Variants in NALF1 observed in about 807,000 individuals in gnomAD.
The protein encoded by NALF1 is NALCN channel auxiliary factor 1, also known as family with sequence similarity 155 member A.
In NALF1, 3 loss-of-function variants were observed where a neutral mutation model predicts 48.4. The observed-to-expected ratio is 0.06, with a 90% CI of 0.03 to 0.16. The LOEUF (loss-of-function observed/expected upper bound fraction) is 0.16, where lower values mean the gene tolerates loss of function less well. Ranked by LOEUF, NALF1 falls within the 10% of genes least tolerant of loss-of-function variation. The pLI, the probability that NALF1 is intolerant of heterozygous loss-of-function variation, is 1.00. For missense variants in NALF1, 526 were observed against 571.5 expected (o/e 0.92, Z 0.81); for synonymous variants, 262 against 245.7 (o/e 1.07, Z -0.62).
At chr13:107,186,250 G>T (rs566680900) in intron 2 of NALF1, among the ~76,000 whole-genome samples, 1 of 152,252 alleles carries the variant, frequency 6.6e-6, no homozygotes, top group Admixed American at 6.5e-5. Flanking sequence ...GATGAGAGGG[G>T]ACTACTGTAT....
intron 1 of NALF1, among the ~76,000 whole-genome samples, chr13:107,366,084 A>G (rs1883147086): frequency 6.6e-6 from 1 of 152,216 alleles, no homozygotes; most frequent in African/African-American, 2.4e-5. Context: ...GGTGATGACA[A>G]ATCAGGATTT....
chr13:107,250,911 T>C (rs140258033), intron 1 of NALF1, among the ~76,000 whole-genome samples: 3 of 152,284 alleles, frequency 2.0e-5, no homozygotes, highest in Non-Finnish European at 4.4e-5. Flanking sequence ...CCCAGCCATG[T>C]AGTATGTACC....
chr13:107,675,446 T>C (rs973587179), intron 1 of NALF1, among the ~76,000 whole-genome samples: 3 of 152,248 alleles, frequency 2.0e-5, no homozygotes, highest in African/African-American at 7.2e-5. Context: ...TCTTTATGTA[T>C]CTGTTAAAAA....
chr13:107,698,710 A>G (rs1232271650), intron 1 of NALF1, among the ~76,000 whole-genome samples: 1 of 152,146 alleles, frequency 6.6e-6, no homozygotes, highest in Non-Finnish European at 1.5e-5. Flanking sequence ...TTTCAGATGG[A>G]CACAACAGTA....
intron 1 of NALF1, among the ~76,000 whole-genome samples, chr13:107,512,893 C>T (rs1199604879): frequency 6.6e-6 from 1 of 152,164 alleles, no homozygotes; most frequent in Admixed American, 6.5e-5. Flanking sequence ...AGTGTCCAAG[C>T]CCTGCCTCCA....
intron 1 of NALF1, among the ~76,000 whole-genome samples, chr13:107,398,952 T>G (rs1286505160): frequency 6.6e-6 from 1 of 152,212 alleles, no homozygotes; most frequent in Non-Finnish European, 1.5e-5. Flanking sequence ...CTTCCGTGTT[T>G]GGAGCAGAAA....
At chr13:107,852,520 T>C (rs1390680959) in intron 1 of NALF1, among the ~76,000 whole-genome samples, 1 of 152,236 alleles carries the variant, frequency 6.6e-6, no homozygotes, top group African/African-American at 2.4e-5. Flanking sequence ...AATGTTTCTT[T>C]ATGCAGCATC....
At chr13:107,519,997 G>T (rs117957244) in intron 1 of NALF1, among the ~76,000 whole-genome samples, 2 of 152,040 alleles carry the variant, frequency 1.3e-5, no homozygotes, top group African/African-American at 4.8e-5. Flanking sequence ...TTGGAATTGC[G>T]GAAGTAAAAT....
intron 1 of NALF1, among the ~76,000 whole-genome samples, chr13:107,277,512 C>T (rs1002583000): frequency 6.6e-6 from 1 of 152,108 alleles, no homozygotes. Context: ...CTACAGGCCA[C>T]GAAGAGCTAT....
At chr13:107,741,115 T>C (rs1876621801) in intron 1 of NALF1, among the ~76,000 whole-genome samples, 1 of 152,160 alleles carries the variant, frequency 6.6e-6, no homozygotes, top group Non-Finnish European at 1.5e-5. Context: ...AAAATCAGCA[T>C]TAAGACAACT....
chr13:107,448,331 G>T (rs1273615462), intron 1 of NALF1, among the ~76,000 whole-genome samples: 6 of 151,798 alleles, frequency 4.0e-5, no homozygotes, highest in African/African-American at 1.5e-4. Flanking sequence ...TGAATTTTTA[G>T]CAATGGCCAT....
At chr13:107,226,722 T>TG (rs1376440734) in intron 1 of NALF1, among the ~76,000 whole-genome samples, 9 of 152,220 alleles carry the variant, frequency 5.9e-5, no homozygotes, top group Non-Finnish European at 8.8e-5. Flanking sequence ...CTACTGATGC[T>TG]GGCATAGCAC....
chr13:107,800,702 A>T (rs1878586696), intron 1 of NALF1, among the ~76,000 whole-genome samples: 1 of 147,654 alleles, frequency 6.8e-6, no homozygotes, highest in Non-Finnish European at 1.5e-5. Flanking sequence ...TATATTATGT[A>T]TCATATAATA....
intron 1 of NALF1, among the ~76,000 whole-genome samples, chr13:107,501,090 C>G (rs1875506833): frequency 6.6e-6 from 1 of 151,828 alleles, no homozygotes; most frequent in Admixed American, 6.6e-5. Flanking sequence ...TACCCTAAAA[C>G]TTAAAGTATA....
intron 1 of NALF1, among the ~76,000 whole-genome samples, chr13:107,316,679 G>A (rs921611085): frequency 1.1e-4 from 16 of 152,078 alleles, no homozygotes; most frequent in South Asian, 2.1e-4. Context: ...AGTGTCTTTT[G>A]GCTGCATAAA....
rs768566264 is a variant in NALF1, at chr13:107,228,712, C to T, written c.916-17957G>A. On this transcript the variant is annotated intron_variant, in intron 1 of 2. Transcript: ENST00000375915. Reference sequence around the variant, plus strand: ...TCTGCTCACTGCAACCTCCGCCTCCCGGGCTCAAGCGATTCTCCTGCCTCA... The same window carrying T: ...TCTGCTCACTGCAACCTCCGCCTCCTGGGCTCAAGCGATTCTCCTGCCTCA... 3.3e-5 allele frequency among the ~76,000 whole-genome samples: 5 copies of T among 152,240 alleles called. No individual in the cohort carries two copies. The South Asian group carries it at 8.3e-4, about 25-fold the overall frequency.
chr13:107,641,643 T>C (rs758372017), intron 1 of NALF1, among the ~76,000 whole-genome samples: 9 of 152,158 alleles, frequency 5.9e-5, no homozygotes, highest in Non-Finnish European at 4.4e-5. Flanking sequence ...ATGGCTTAGT[T>C]ACCACCATAG....
intron 1 of NALF1, among the ~76,000 whole-genome samples, chr13:107,455,837 C>A (rs1374363419): frequency 6.6e-6 from 1 of 151,674 alleles, no homozygotes; most frequent in Admixed American, 6.6e-5. Context: ...CAATCTTCCC[C>A]TGTGTCTTTT....
intron 1 of NALF1, among the ~76,000 whole-genome samples, chr13:107,327,182 G>C (rs1006805511): frequency 6.6e-6 from 1 of 152,146 alleles, no homozygotes; most frequent in African/African-American, 2.4e-5. Flanking sequence ...CAGGCAAGGA[G>C]AATTATAGCT....
Sources: allele counts gnomAD v4.1 joint callset (sites outside exome capture counted in the v4.1 genomes callset), GRCh38; gene constraint gnomAD v4.1.1; transcripts MANE v1.5; gene names NCBI Gene and HGNC (gene_info 2026-07-23, HGNC 2026-07-21).